The following CAMTA1 variants were observed in gnomAD, a reference collection of about 807,000 sequenced individuals.
CAMTA1 encodes the protein calmodulin binding transcription activator 1, also known as calmodulin-binding transcription activator 1.
Under a neutral mutation model 170.9 loss-of-function variants are expected in CAMTA1, and 27 were observed. The observed-to-expected ratio is 0.16, with a 90% CI of 0.12 to 0.22. The LOEUF (loss-of-function observed/expected upper bound fraction) is 0.22. Ranked by LOEUF, CAMTA1 falls within the 10% of genes least tolerant of loss-of-function variation. The pLI, the probability that CAMTA1 is intolerant of heterozygous loss-of-function variation, is 1.00. For missense variants in CAMTA1, 1,619 were observed against 2,217.2 expected (o/e 0.73, Z 5.42); for synonymous variants, 833 against 891.5 (o/e 0.93, Z 1.17).
At chr1:7,442,292 G>A (rs1441337714) in intron 5 of CAMTA1, among the ~76,000 whole-genome samples, 9 of 152,204 alleles carry the variant, frequency 5.9e-5, no homozygotes, top group East Asian at 3.9e-4. Flanking sequence ...GGAGACAACC[G>A]TGTTGACAGA....
intron 1 of CAMTA1, among the ~76,000 whole-genome samples, chr1:6,798,029 T>G (rs1028446057): frequency 1.1e-4 from 16 of 150,274 alleles, no homozygotes; most frequent in African/African-American, 3.2e-4. Flanking sequence ...AAAGTCTTGC[T>G]CTTGTCCCCC....
intron 4 of CAMTA1, among the ~76,000 whole-genome samples, chr1:7,099,905 G>A (rs967516510): frequency 6.6e-6 from 1 of 152,198 alleles, no homozygotes; most frequent in Non-Finnish European, 1.5e-5. Flanking sequence ...TGCTGTTTCC[G>A]AGTTCGGAGT....
chr1:7,186,238 G>C (rs1405800102), intron 4 of CAMTA1, among the ~76,000 whole-genome samples: 1 of 152,174 alleles, frequency 6.6e-6, no homozygotes, highest in African/African-American at 2.4e-5. Flanking sequence ...GGGAATCTGG[G>C]TGAAGGATAT....
chr1:7,175,491 G>C (rs1650603206), intron 4 of CAMTA1, among the ~76,000 whole-genome samples: 1 of 152,208 alleles, frequency 6.6e-6, no homozygotes, highest in Non-Finnish European at 1.5e-5. Context: ...CAGCAGAAAG[G>C]CACCCCGCCA....
chr1:7,227,611 G>A lies in CAMTA1; in HGVS notation c.303-21880G>A, dbSNP rs145065332. On this transcript the variant is annotated intron_variant, in intron 4 of 22. Coordinates refer to ENST00000303635, the MANE Select transcript of CAMTA1 (RefSeq NM_015215.4). Reference sequence around the variant, plus strand: ...CCCAAATTGCTGGGATTACAGGCATGAGCCATTGCTCCCAGCCGAACTCAT... The same window carrying A: ...CCCAAATTGCTGGGATTACAGGCATAAGCCATTGCTCCCAGCCGAACTCAT... 4.0e-3 allele frequency among the ~76,000 whole-genome samples: 612 copies of A among 152,314 alleles called. 4 individuals are homozygous for A. The highest frequency in any genetic ancestry group is 5.6e-3 in the Non-Finnish European group (378 of 68,040).
intron 19 of CAMTA1, 35 bp downstream of exon 19, chr1:7,747,816 T>C: frequency 6.6e-7 from 1 of 1,511,736 alleles, no homozygotes; most frequent in Non-Finnish European, 9.1e-7. Context: ...AAGGAAACTG[T>C]GCCCCACCCA....
At chr1:7,196,491 G>A (rs1472480199) in intron 4 of CAMTA1, among the ~76,000 whole-genome samples, 1 of 152,242 alleles carries the variant, frequency 6.6e-6, no homozygotes, top group Admixed American at 6.5e-5. Flanking sequence ...GCAGGAGAGA[G>A]GGTGTGGTGG....
At chr1:7,702,360 A>G (rs1427904788) in intron 11 of CAMTA1, among the ~76,000 whole-genome samples, 1 of 152,050 alleles carries the variant, frequency 6.6e-6, no homozygotes, top group African/African-American at 2.4e-5. Flanking sequence ...AACAACAACA[A>G]CAGGAAAAAG....
chr1:7,090,883 G>A (rs1487564236), intron 3 of CAMTA1, among the ~76,000 whole-genome samples: 3 of 152,152 alleles, frequency 2.0e-5, no homozygotes, highest in Admixed American at 1.3e-4. Context: ...AGAATGCGAC[G>A]TCTCTTGTGA....
intron 3 of CAMTA1, among the ~76,000 whole-genome samples, chr1:6,924,269 C>T (rs1055354264): frequency 1.3e-5 from 2 of 152,070 alleles, no homozygotes; most frequent in Admixed American, 6.6e-5. Context: ...GTGCAAAGGC[C>T]GAGTGGAGAA....
chr1:7,020,824 A>G (rs920576377), intron 3 of CAMTA1, among the ~76,000 whole-genome samples: 2 of 152,142 alleles, frequency 1.3e-5, no homozygotes, highest in African/African-American at 4.8e-5. Flanking sequence ...GAGTTGTTCT[A>G]CCCTGGAGGG....
At chr1:6,892,083 A>C (rs1674623887) in intron 3 of CAMTA1, among the ~76,000 whole-genome samples, 1 of 152,238 alleles carries the variant, frequency 6.6e-6, no homozygotes, top group African/African-American at 2.4e-5. Context: ...TCCCCTCTTA[A>C]AATGGCTAAC....
At chr1:6,876,633 G>A (rs1032864459) in intron 3 of CAMTA1, among the ~76,000 whole-genome samples, 5 of 152,164 alleles carry the variant, frequency 3.3e-5, no homozygotes, top group Non-Finnish European at 7.3e-5. Context: ...AGAGTGCTGG[G>A]ATTACCGTGG....
intron 3 of CAMTA1, among the ~76,000 whole-genome samples, chr1:6,889,314 A>G (rs950404626): frequency 1.3e-5 from 2 of 152,272 alleles, no homozygotes; most frequent in African/African-American, 4.8e-5. Context: ...AAATAAATGT[A>G]GAAAGCAGTT....
rs1177004712 is a variant in CAMTA1 at position 7,064,888 on chromosome 1, TAGA to T, written c.235-26415_235-26413del. On this transcript the variant is annotated intron_variant, in intron 3 of 22. Coordinates refer to ENST00000303635, the MANE Select transcript of CAMTA1 (RefSeq NM_015215.4). This position sits in a 1 kb window ranked among gnomAD's most constrained non-coding sequence, Gnocchi z 5.4. ...ATCTAGGCAAGACATGGCAGCCACTTAGATGAGGATCTGGGAGGGGAGAAGAAG... is the reference window on the plus strand; with the variant it reads ...ATCTAGGCAAGACATGGCAGCCACTTTGAGGATCTGGGAGGGGAGAAGAAG... Among the ~76,000 whole-genome samples, 1 of 152,048 alleles carries T rather than the reference TAGA, an allele frequency of 6.6e-6. No homozygotes were observed. The highest frequency in any genetic ancestry group is 1.9e-4 in the East Asian group (1 of 5,176).
rs1339622977 is a variant in CAMTA1 at position 7,065,126 on chromosome 1, G to T, written c.235-26178G>T. ...ACAGCCAAATGGGGAGGCCACATAGGCTAGCAGATCCTGGGCCAGGAGCTC... is the reference window on the plus strand; with the variant it reads ...ACAGCCAAATGGGGAGGCCACATAGTCTAGCAGATCCTGGGCCAGGAGCTC... On this transcript the variant is annotated intron_variant, in intron 3 of 22. Transcript: ENST00000303635. This position sits in a 1 kb window ranked among gnomAD's most constrained non-coding sequence, Gnocchi z 5.2. Among the ~76,000 whole-genome samples, 1 of 152,230 alleles carries T rather than the reference G, an allele frequency of 6.6e-6. No individual in the cohort carries two copies. Among genetic ancestry groups the T allele is most frequent in the Non-Finnish European group, 1.5e-5 (1 of 68,036 alleles).
chr1:7,318,440 A>G (rs1677871110), intron 5 of CAMTA1, among the ~76,000 whole-genome samples: 1 of 152,228 alleles, frequency 6.6e-6, no homozygotes, highest in African/African-American at 2.4e-5. Flanking sequence ...TGAGTTTCAC[A>G]GCCATTTTCA....
At chr1:6,802,904 C>T (rs535879842) in intron 1 of CAMTA1, among the ~76,000 whole-genome samples, 1 of 152,282 alleles carries the variant, frequency 6.6e-6, no homozygotes, top group Non-Finnish European at 1.5e-5. Context: ...GCCACAACGC[C>T]CGGCTGATTT....
At chr1:6,872,311 G>A (rs1668642757) in intron 3 of CAMTA1, among the ~76,000 whole-genome samples, 1 of 151,534 alleles carries the variant, frequency 6.6e-6, no homozygotes, top group African/African-American at 2.4e-5. Context: ...AGAAATAGTA[G>A]CAACTTGAAT....
Sources: allele counts gnomAD v4.1 joint callset (sites outside exome capture counted in the v4.1 genomes callset), GRCh38; gene constraint gnomAD v4.1.1; non-coding constraint Gnocchi (gnomAD v3.1); transcripts MANE v1.5; gene names NCBI Gene and HGNC (gene_info 2026-07-23, HGNC 2026-07-21).